VWA2: variants seen among roughly 807,000 people sequenced by gnomAD.
The protein encoded by VWA2 is von Willebrand factor A domain-containing protein 2.
VWA2 carries 73 observed loss-of-function variants against 70.4 expected under a neutral mutation model. That is an observed-to-expected ratio of 1.04 (90% confidence interval 0.86 to 1.26). The LOEUF (loss-of-function observed/expected upper bound fraction) is 1.26. Ranked by LOEUF, VWA2 falls within the 50% of genes most tolerant of loss-of-function variation. VWA2 has a pLI of 0.00. For synonymous variants in VWA2, 407 were observed against 423.3 expected (o/e 0.96, Z 0.47); for missense variants, 1,011 against 998.5 (o/e 1.01, Z -0.17).
At chr10:114,265,612 C>T (rs1329480402) in intron 5 of VWA2, among the ~76,000 whole-genome samples, 1 of 152,212 alleles carries the variant, frequency 6.6e-6, no homozygotes, top group Non-Finnish European at 1.5e-5. Context: ...GCTCCCTCTC[C>T]CACACCCCCT....
At chr10:114,268,756 G>A (rs1401034854) in intron 5 of VWA2, among the ~76,000 whole-genome samples, 2 of 149,918 alleles carry the variant, frequency 1.3e-5, no homozygotes, top group South Asian at 2.1e-4. Context: ...GTGCAGTGGC[G>A]CGATCTTGGC....
chr10:114,251,670 G>A (rs1285275303), intron 2 of VWA2, among the ~76,000 whole-genome samples: 1 of 152,122 alleles, frequency 6.6e-6, no homozygotes, highest in African/African-American at 2.4e-5. Flanking sequence ...CTCTGTGGAG[G>A]ACTGGGTGGA....
At chr10:114,262,952 A>G (rs984116146) in intron 5 of VWA2, among the ~76,000 whole-genome samples, 2 of 152,100 alleles carry the variant, frequency 1.3e-5, no homozygotes, top group African/African-American at 4.8e-5. Context: ...TTTGACTAAG[A>G]CACACAGTGC....
At chr10:114,261,573 G>T (rs750451192) in intron 5 of VWA2, among the ~76,000 whole-genome samples, 1 of 152,202 alleles carries the variant, frequency 6.6e-6, no homozygotes, top group African/African-American at 2.4e-5. Flanking sequence ...TGAAGGTCAC[G>T]AATGGGGTTA....
chr10:114,262,759 C>T (rs893666768), intron 5 of VWA2, among the ~76,000 whole-genome samples: 2 of 152,132 alleles, frequency 1.3e-5, no homozygotes, highest in South Asian at 2.1e-4. Context: ...TTTCCTCTGC[C>T]GTCGAACAGA....
At chr10:114,269,388 C>T (rs2037656374) in intron 5 of VWA2, among the ~76,000 whole-genome samples, 1 of 152,138 alleles carries the variant, frequency 6.6e-6, no homozygotes, top group South Asian at 2.1e-4. Flanking sequence ...TGAGACCAGC[C>T]TGGTCAACAT....
chr10:114,249,061 A>C (rs2037138931), intron 2 of VWA2, among the ~76,000 whole-genome samples: 1 of 151,946 alleles, frequency 6.6e-6, no homozygotes, highest in Non-Finnish European at 1.5e-5. Flanking sequence ...GGTTCGTTAC[A>C]TAGGTAAATG....
chr10:114,271,608 AACACACACAC>A (rs142127208), intron 5 of VWA2, among the ~76,000 whole-genome samples: 7 of 144,700 alleles, frequency 4.8e-5, no homozygotes, highest in South Asian at 2.3e-4. Flanking sequence ...GAGAAGTAAA[AACACACACAC>A]ACACACACAC....
Position 114,289,422 on chromosome 10 carries a change from G to C in VWA2, c.2055G>C (p.Leu685=), listed in dbSNP as rs1293521746. Residue 685 remains leucine, a synonymous_variant, in exon 12 of 14, where the codon CTG becomes CTC. Coordinates refer to ENST00000392982, the MANE Select transcript of VWA2 (RefSeq NM_001272046.2). ...GGCTTGCAGGTCCCCGGGATTCCCTGATCCACGTGGCAGCTTACGCCGACC... is the reference window on the plus strand; with the variant it reads ...GGCTTGCAGGTCCCCGGGATTCCCTCATCCACGTGGCAGCTTACGCCGACC... ...LRRLAGPRDS[L]IHVAAYADLR... The C allele has an allele frequency of 6.2e-7, 1 of 1,614,216 alleles. No homozygotes were observed. The highest frequency in any genetic ancestry group is 8.5e-7 in the Non-Finnish European group (1 of 1,180,048).
chr10:114,265,873 TGG>T (rs762963489), intron 5 of VWA2, among the ~76,000 whole-genome samples: 2 of 152,166 alleles, frequency 1.3e-5, no homozygotes, highest in Admixed American at 6.6e-5. Context: ...GCCCCAGTTG[TGG>T]GGTCACTGAG....
intron 3 of VWA2, 58 bp from the exon 4 acceptor site, chr10:114,254,856 GC>G: frequency 6.3e-7 from 1 of 1,591,050 alleles, no homozygotes; most frequent in Admixed American, 1.7e-5. Flanking sequence ...CCTTCACTCT[GC>G]TTCAGAAGTG....
In VWA2 at chr10:114,253,660, C is replaced by G. The variant is rs534336801; in HGVS notation, c.62C>G (p.Ser21Cys). The change falls in exon 3 of 14, where the codon TCT becomes TGT. Residue 21 changes from serine to cysteine, a missense_variant. Ser to Cys is a moderately radical substitution (Grantham distance 112, BLOSUM62 -1). Coordinates refer to ENST00000392982, the MANE Select transcript of VWA2 (RefSeq NM_001272046.2). ...GTGTTTTCTCTCCTAGTGCCCCCAT[C>G]TCTCCCTCTCCAGGAAGTCCATGTA... is the stretch of plus-strand genomic sequence containing the variant. ...CVFLFSRVPP[S>C]LPLQEVHVSK... The G allele has an allele frequency of 1.2e-6, 2 of 1,612,170 alleles. No individual in the cohort carries two copies. The highest frequency in any genetic ancestry group is 1.1e-5 in the South Asian group (1 of 91,000).
chr10:114,280,290 C>A (rs1208688597), intron 8 of VWA2, among the ~76,000 whole-genome samples: 1 of 152,186 alleles, frequency 6.6e-6, no homozygotes, highest in East Asian at 1.9e-4. Flanking sequence ...GAAATCAGCA[C>A]CAGCATCTCA....
At position 114,278,811 on chromosome 10, in the gene VWA2, C is replaced by A. The variant is rs202058880; in HGVS notation, c.793C>A (p.Arg265=). The change falls in exon 8 of 14, where the codon CGG becomes AGG. Residue 265 remains arginine, a synonymous_variant. Transcript: ENST00000392982. ...TGCCCCATGCTGGAGAGGATCGCGG[C>A]GGACCCTTGCGGTGCTGGCTGCACA... is the stretch of plus-strand genomic sequence containing the variant. The part of the protein sequence containing the change: ...GNAPCWRGSR[R]TLAVLAAHCP... 6 of 1,613,316 alleles carry A rather than the reference C, an allele frequency of 3.7e-6. No homozygotes were observed. The Admixed American group carries it at 5.0e-5, about 13-fold the overall frequency.
chr10:114,246,525 A>AAAAAAAAAAAAAAAAAAG (rs2037075802), intron 1 of VWA2: 1 of 763,828 alleles, frequency 1.3e-6, no homozygotes, highest in Non-Finnish European at 2.1e-6. Context: ...AAAAAAAAAA[A>AAAAAAAAAAAAAAAAAAG]CGAGTATCAT....
At position 114,286,392 on chromosome 10, in the gene VWA2, G is replaced by C; in HGVS notation, c.1451G>C (p.Arg484Pro). ...LLLGVGSEAVRAELEEITGSP... is the reference protein window; with the variant it reads ...LLLGVGSEAVPAELEEITGSP... Reference sequence around the variant, plus strand: ...CTGGGTGTAGGCAGTGAGGCCGTGCGGGCAGAGCTGGAGGAGATCACAGGC... The same window carrying C: ...CTGGGTGTAGGCAGTGAGGCCGTGCCGGCAGAGCTGGAGGAGATCACAGGC... The change falls in exon 11 of 14, where the codon CGG (arginine) becomes CCG (proline). Residue 484 changes from arginine to proline, a missense_variant. Arg to Pro is a moderately radical substitution (Grantham distance 103). Coordinates refer to ENST00000392982, the MANE Select transcript of VWA2 (RefSeq NM_001272046.2). The C allele has an allele frequency of 6.2e-7, 1 of 1,613,882 alleles. No homozygotes were observed. Among genetic ancestry groups the C allele is most frequent in the Non-Finnish European group, 8.5e-7 (1 of 1,180,024 alleles).
Position 114,289,538 on chromosome 10 carries a change from C to T in VWA2, c.2122+49C>T, listed in dbSNP as rs141684486. 9.2e-3 allele frequency: 14,683 copies of T among 1,595,850 alleles called. 84 individuals carry two copies. The highest frequency in any genetic ancestry group is 0.011 in the Non-Finnish European group (13,391 of 1,164,786). ...CAGGGCTGCCCCCATGGCAGGCCCT[C>T]AGCCTGAGCCTTCACATACATCATG... On this transcript the variant is annotated intron_variant, in intron 12 of 13. Coordinates refer to ENST00000392982, the MANE Select transcript of VWA2 (RefSeq NM_001272046.2).
In VWA2 at chr10:114,267,073, A is replaced by C. The variant is rs80082287; in HGVS notation, c.372-5667A>C. Among the ~76,000 whole-genome samples, 729 of 152,246 alleles carry C rather than the reference A, an allele frequency of 4.8e-3. 4 individuals carry two copies. Among genetic ancestry groups the C allele is most frequent in the African/African-American group, 0.017 (701 of 41,546 alleles). ...AATTTTTGTCTATTGCTGGAAAAAA[A>C]AGCTGTAATCAACATCCCTGTACCT... On this transcript the variant is annotated intron_variant, in intron 5 of 13. Coordinates refer to ENST00000392982, the MANE Select transcript of VWA2 (RefSeq NM_001272046.2).
rs746302291 is a variant in VWA2 at position 114,289,498 on chromosome 10, G to C, written c.2122+9G>C. 3 of 1,613,804 alleles carry C rather than the reference G, an allele frequency of 1.9e-6. No individual in the cohort carries two copies. Among genetic ancestry groups the C allele is most frequent in the Non-Finnish European group, 2.5e-6 (3 of 1,179,888 alleles). On this transcript the variant is annotated intron_variant, in intron 12 of 13. Transcript: ENST00000392982. ...TGAGTGGCTGTGTGGAGGTGAGTGGGGGAATCCACACCCTCAGGGCTGCCC... is the reference window on the plus strand; with the variant it reads ...TGAGTGGCTGTGTGGAGGTGAGTGGCGGAATCCACACCCTCAGGGCTGCCC...
Sources: gnomAD v4.1 joint callset for allele counts (sites outside exome capture counted in the v4.1 genomes callset) on GRCh38, gnomAD v4.1.1 for gene constraint, MANE v1.5 for transcripts, NCBI Gene and HGNC (gene_info 2026-07-23, HGNC 2026-07-21) for gene names.